ZNF75A: variants seen among roughly 807,000 people sequenced by gnomAD.
ZNF75A encodes zinc finger protein 75A.
Under a neutral mutation model 46.3 loss-of-function variants are expected in ZNF75A, and 36 were observed. That is an observed-to-expected ratio of 0.78 (90% CI 0.60 to 1.03). The LOEUF (loss-of-function observed/expected upper bound fraction) is 1.03. Ranked by LOEUF, ZNF75A falls within the 50% of genes least tolerant of loss-of-function variation. ZNF75A has a pLI of 0.00. For synonymous variants in ZNF75A, 234 were observed against 189.9 expected (o/e 1.23, Z -1.91); for missense variants, 595 against 551.3 (o/e 1.08, Z -0.79).
chr16:3,318,111 A>G lies in ZNF75A; in HGVS notation c.*242A>G, dbSNP rs1338504628. The G allele has an allele frequency of 1.8e-5, 22 of 1,251,992 alleles. No individual in the cohort carries two copies. Among genetic ancestry groups the G allele is most frequent in the Middle Eastern group, 3.1e-4 (1 of 3,216 alleles). The allele number at this position is 1,251,992 out of a possible 1,614,324, so 77.6% of individuals were successfully genotyped here. The stretch of plus-strand genomic sequence containing the variant: ...CTCCAGTCATTTTTGAACACATCCA[A>G]TAGAAACATTGGCAGCATGGTCTTC... On this transcript the variant is annotated 3_prime_UTR_variant, in exon 7 of 7. Transcript: ENST00000669516.
At position 3,312,760 on chromosome 16, in the gene ZNF75A, G is replaced by C; in HGVS notation, c.688G>C (p.Glu230Gln). 4 of 1,090,976 alleles carry C rather than the reference G, an allele frequency of 3.7e-6. No individual in the cohort carries two copies. The highest frequency in any genetic ancestry group is 4.5e-6 in the Non-Finnish European group (4 of 896,988). The allele number at this position is 1,090,976 out of a possible 1,614,324, so 67.6% of individuals were successfully genotyped here. A position where few individuals can be genotyped will look rare whatever the true frequency, so the allele number is the denominator to read the frequency against. Residue 230 changes from glutamate to glutamine, a missense_variant, in exon 4 of 7, where the codon GAG becomes CAG. Coordinates refer to ENST00000669516, the MANE Select transcript of ZNF75A (RefSeq NM_001302109.2). ...AGTGACACCTGAGCACGTCTTGCCT[G>C]AGTCCCAGGTGAGCTGTGCTTTCCA... ...WTVTPEHVLP[E>Q]SQSLLTFEEV...
chr16:3,310,706 G>T (rs531806396), intron 2 of ZNF75A: 11 of 985,554 alleles, frequency 1.1e-5, no homozygotes, highest in African/African-American at 3.5e-5. Flanking sequence ...GGGAAACAAA[G>T]ATTTGGAAAA....
intron 2 of ZNF75A, 48 bp downstream of exon 2, chr16:3,308,884 G>A: frequency 1.0e-6 from 1 of 975,500 alleles, no homozygotes; most frequent in Non-Finnish European, 1.2e-6. Flanking sequence ...GATGCAGGTG[G>A]ATATAGTAGA....
intron 2 of ZNF75A, 97 bp downstream of exon 2, chr16:3,308,933 A>G (rs1158977658): frequency 4.2e-5 from 34 of 807,220 alleles, no homozygotes; most frequent in Non-Finnish European, 4.6e-5. Flanking sequence ...TGGATTAGGT[A>G]GGTCATTGTT....
At chr16:3,316,620 T>G (rs527262222) in intron 5 of ZNF75A, 1 of 209,742 alleles carries the variant, frequency 4.8e-6, no homozygotes, top group Non-Finnish European at 9.5e-6. Flanking sequence ...TGGTTCCCCC[T>G]TGGTTGGATA....
chr16:3,311,453 A>C (rs1960787755), intron 2 of ZNF75A, among the ~76,000 whole-genome samples: 1 of 150,028 alleles, frequency 6.7e-6, no homozygotes, highest in South Asian at 2.1e-4. Context: ...AAAAAAAAAA[A>C]ATGAGTGGGC....
intron 1 of ZNF75A, chr16:3,306,765 T>A (rs1960292917): frequency 6.6e-6 from 1 of 152,126 alleles, no homozygotes; most frequent in South Asian, 2.1e-4. Context: ...TTTATGTGTG[T>A]TGCAAAGAAT....
chr16:3,311,437 CAAA>C (rs60757185), intron 2 of ZNF75A, among the ~76,000 whole-genome samples: 3,667 of 112,188 alleles, frequency 0.033, 162 homozygotes, highest in African/African-American at 0.1. Context: ...AAACTCATCT[CAAA>C]AAAAAAAAAA....
chr16:3,320,885 A>G (rs1244847746), downstream of ZNF75A, among the ~76,000 whole-genome samples: 3 of 152,218 alleles, frequency 2.0e-5, no homozygotes, highest in Non-Finnish European at 4.4e-5. Context: ...TTCCTGGACT[A>G]AGGGATGACG....
downstream of ZNF75A, among the ~76,000 whole-genome samples, chr16:3,319,928 G>A (rs781473195): frequency 2.0e-5 from 3 of 152,080 alleles, no homozygotes; most frequent in Admixed American, 6.6e-5. Flanking sequence ...CATGGAGGGC[G>A]GCTATTCCCA....
intron 1 of ZNF75A, chr16:3,306,055 A>T (rs1451543471): frequency 6.6e-6 from 1 of 152,202 alleles, no homozygotes; most frequent in Non-Finnish European, 1.5e-5. Context: ...GCAAAAACAT[A>T]GGAAGTGTCT....
Position 3,308,844 on chromosome 16 carries a change from G to C in ZNF75A, c.408+8G>C. 1 of 985,820 alleles carries C rather than the reference G, an allele frequency of 1.0e-6. No individual in the cohort carries two copies. The allele number at this position is 985,820 out of a possible 1,614,324, so 61.1% of individuals were successfully genotyped here. A position where few individuals can be genotyped will look rare whatever the true frequency, so the allele number is the denominator to read the frequency against. The stretch of plus-strand genomic sequence containing the variant: ...GGTCAAACATGGAATGGGGTGAGAA[G>C]AAAGATTCCTGACATGTACAGTGAA... On this transcript the variant is annotated splice_region_variant and intron_variant, in intron 2 of 6. Coordinates refer to ENST00000669516, the MANE Select transcript of ZNF75A (RefSeq NM_001302109.2).
downstream of ZNF75A, chr16:3,318,953 C>G: frequency 1.8e-6 from 1 of 568,978 alleles, no homozygotes; most frequent in Non-Finnish European, 2.2e-6. Context: ...CATTTAACAG[C>G]AGCCTCAGGT....
downstream of ZNF75A, among the ~76,000 whole-genome samples, chr16:3,322,761 C>T (rs1377635975): frequency 6.6e-6 from 1 of 152,020 alleles, no homozygotes; most frequent in East Asian, 1.9e-4. Flanking sequence ...ATTTTTGGGC[C>T]TTTCTTCCTA....
intron 2 of ZNF75A, chr16:3,311,063 TTAGAG>T: frequency 1.7e-6 from 1 of 603,382 alleles, no homozygotes; most frequent in Non-Finnish European, 2.1e-6. Flanking sequence ...TATTTGAATT[TTAGAG>T]AAAACTAGAA....
At chr16:3,323,319 G>A (rs114769632), downstream of ZNF75A, 285 of 1,076,048 alleles carry the variant, frequency 2.6e-4, 2 homozygotes, top group African/African-American at 4.1e-3. Flanking sequence ...AAAGAACCAT[G>A]AGATCTCCTG....
chr16:3,317,022 G>A lies in ZNF75A; in HGVS notation c.934G>A (p.Gly312Arg), dbSNP rs757936447. 1 of 1,611,534 alleles carries A rather than the reference G, an allele frequency of 6.2e-7. No homozygotes were observed. The highest frequency in any genetic ancestry group is 8.5e-7 in the Non-Finnish European group (1 of 1,178,000). ...GGATAGTGCCGGAAAATCTCCTACA[G>A]GTAAATATACCATGGGAAGTGGAGA... is the stretch of plus-strand genomic sequence containing the variant. ...FKDSAGKSPT[G>R]LKLKNDTENH... The change falls in exon 6 of 7, where the codon GGG becomes AGG. Residue 312 changes from glycine to arginine, a missense_variant and splice_region_variant. Transcript: ENST00000669516.
Position 3,318,761 on chromosome 16 carries a change from G to T in ZNF75A, c.*892G>T, listed in dbSNP as rs1199978557. 1 of 985,456 alleles carries T rather than the reference G, an allele frequency of 1.0e-6. No individual in the cohort carries two copies. The highest frequency in any genetic ancestry group is 1.2e-6 in the Non-Finnish European group (1 of 829,946). 61.0% of individuals were successfully genotyped at this position (985,456 alleles called of 1,614,324 possible). The stretch of plus-strand genomic sequence containing the variant: ...CCATGGGAGTTGGAGTGTGTGTGCT[G>T]CAGGCAGGATCCTGTGGCTCATTTG... On this transcript the variant is annotated 3_prime_UTR_variant, in exon 7 of 7. Coordinates refer to ENST00000669516, the MANE Select transcript of ZNF75A (RefSeq NM_001302109.2).
In ZNF75A at chr16:3,317,784, G is replaced by C. The variant is rs760757248; in HGVS notation, c.1529G>C (p.Gly510Ala). ...ATTAAACACCGGAGAACCCACACAG[G>C]TGAGCAGCCATATACTTGTAGCATA... ...HLIKHRRTHTGEQPYTCSICR... is the reference protein window; with the variant it reads ...HLIKHRRTHTAEQPYTCSICR... The change falls in exon 7 of 7, where the codon GGT (glycine) becomes GCT (alanine). Residue 510 changes from glycine to alanine, a missense_variant. Coordinates refer to ENST00000669516, the MANE Select transcript of ZNF75A (RefSeq NM_001302109.2). The C allele has an allele frequency of 2.5e-6, 4 of 1,614,060 alleles. No individual in the cohort carries two copies. The Admixed American group carries it at 5.0e-5, about 20-fold the overall frequency.
Sources: allele counts gnomAD v4.1 joint callset (sites outside exome capture counted in the v4.1 genomes callset), GRCh38; gene constraint gnomAD v4.1.1; transcripts MANE v1.5; gene names NCBI Gene and HGNC (gene_info 2026-07-23, HGNC 2026-07-21).